The following AFG2A variants were observed in gnomAD, a reference collection of about 807,000 sequenced individuals.
AFG2A encodes the protein ATPase family gene 2 protein homolog A.
the AFG2A span, among the ~76,000 whole-genome samples, chr4:122,990,929 T>A: frequency 1.3e-5 from 2 of 152,184 alleles, no homozygotes; most frequent in African/African-American, 4.8e-5. Context: ...TCGAACAATG[T>A]GTTTTGTGGT....
At chr4:123,048,960 T>C in the AFG2A span, among the ~76,000 whole-genome samples, 470 of 152,280 alleles carry the variant, frequency 3.1e-3, 2 homozygotes, top group South Asian at 5.2e-3. Flanking sequence ...TGTAAAGGCT[T>C]TCCATTTTTC....
chr4:123,117,807 G>C, the AFG2A span, among the ~76,000 whole-genome samples: 70 of 151,782 alleles, frequency 4.6e-4, 1 homozygote. Context: ...GGTGGAGACA[G>C]ATGAGATCTG....
chr4:123,024,135 T>G, the AFG2A span, among the ~76,000 whole-genome samples: 1 of 149,090 alleles, frequency 6.7e-6, no homozygotes, highest in Admixed American at 6.8e-5. Context: ...TTACAACTAT[T>G]CAAAGAAGCA....
At chr4:123,311,724 G>A in the AFG2A span, among the ~76,000 whole-genome samples, 1 of 151,802 alleles carries the variant, frequency 6.6e-6, no homozygotes, top group Non-Finnish European at 1.5e-5. Context: ...AATGCCCAGG[G>A]GAACTGACCC....
the AFG2A span, among the ~76,000 whole-genome samples, chr4:123,194,822 A>G: frequency 2.6e-5 from 4 of 152,246 alleles, no homozygotes; most frequent in Non-Finnish European, 5.9e-5. Flanking sequence ...GACACATACT[A>G]GCAGGTGTAG....
At chr4:123,273,552 C>T in the AFG2A span, among the ~76,000 whole-genome samples, 1 of 152,088 alleles carries the variant, frequency 6.6e-6, no homozygotes, top group African/African-American at 2.4e-5. Context: ...GTTTCCTAGA[C>T]AAGTCAGTAG....
chr4:123,228,602 A>G, the AFG2A span, among the ~76,000 whole-genome samples: 1 of 152,024 alleles, frequency 6.6e-6, no homozygotes, highest in Non-Finnish European at 1.5e-5. Flanking sequence ...TAAACCAGAA[A>G]TTATGCTGAT....
chr4:123,017,359 C>CT, the AFG2A span, among the ~76,000 whole-genome samples: 655 of 74,108 alleles, frequency 8.8e-3, 3 homozygotes, highest in African/African-American at 0.026. Flanking sequence ...CTTTTGACTT[C>CT]TTTTTTTTTT....
chr4:123,098,771 G>A, the AFG2A span, among the ~76,000 whole-genome samples: 1 of 151,934 alleles, frequency 6.6e-6, no homozygotes, highest in Non-Finnish European at 1.5e-5. Flanking sequence ...ATTCTTCGAT[G>A]CATACTTAGG....
the AFG2A span, among the ~76,000 whole-genome samples, chr4:123,024,377 G>C: frequency 3.9e-5 from 6 of 152,068 alleles, no homozygotes; most frequent in Admixed American, 3.9e-4. Flanking sequence ...GTCACCTAAA[G>C]TACAGGCAGT....
the AFG2A span, chr4:122,934,421 A>G: frequency 6.2e-7 from 1 of 1,614,224 alleles, no homozygotes; most frequent in Non-Finnish European, 8.5e-7. Context: ...AGCCCTGGAG[A>G]TGGCAGTGGA....
At chr4:123,223,750 T>C in the AFG2A span, among the ~76,000 whole-genome samples, 1 of 152,164 alleles carries the variant, frequency 6.6e-6, no homozygotes, top group Non-Finnish European at 1.5e-5. Context: ...ACCCAAACCA[T>C]ATCATGGGTT....
At chr4:123,162,133 G>A in the AFG2A span, among the ~76,000 whole-genome samples, 34 of 152,302 alleles carry the variant, frequency 2.2e-4, no homozygotes, top group East Asian at 6.6e-3. Flanking sequence ...GAGGCAAGAA[G>A]AGACACTATA....
At chr4:123,248,131 A>G in the AFG2A span, among the ~76,000 whole-genome samples, 3 of 152,026 alleles carry the variant, frequency 2.0e-5, no homozygotes, top group African/African-American at 7.2e-5. Context: ...TCTTGTGGGT[A>G]GTTAAGACTT....
At chr4:123,187,419 T>C in the AFG2A span, among the ~76,000 whole-genome samples, 1 of 152,190 alleles carries the variant, frequency 6.6e-6, no homozygotes, top group African/African-American at 2.4e-5. Flanking sequence ...TATTAGTTGT[T>C]ATCGCTGAAT....
the AFG2A span, among the ~76,000 whole-genome samples, chr4:123,264,595 A>G: frequency 6.6e-6 from 1 of 152,172 alleles, no homozygotes; most frequent in Non-Finnish European, 1.5e-5. Flanking sequence ...CTTTCAGAGC[A>G]AAAATCAGCA....
chr4:122,939,316 A>G, the AFG2A span, among the ~76,000 whole-genome samples: 3 of 151,608 alleles, frequency 2.0e-5, no homozygotes, highest in East Asian at 5.9e-4. Context: ...TCCTGACCTC[A>G]GGTGATCCGC....
chr4:123,293,731 A>G, the AFG2A span, among the ~76,000 whole-genome samples: 1 of 152,152 alleles, frequency 6.6e-6, no homozygotes, highest in African/African-American at 2.4e-5. Context: ...CCAAATCGCA[A>G]TCCACTCCTG....
chr4:122,944,101 A>C, the AFG2A span, among the ~76,000 whole-genome samples: 5 of 152,042 alleles, frequency 3.3e-5, no homozygotes, highest in Non-Finnish European at 7.4e-5. Flanking sequence ...GGTGAATCTG[A>C]CAATTATGTG....
Sources: gnomAD v4.1 joint callset for allele counts (sites outside exome capture counted in the v4.1 genomes callset) on GRCh38, gnomAD v4.1.1 for gene constraint, MANE v1.5 for transcripts, NCBI Gene and HGNC (gene_info 2026-07-23, HGNC 2026-07-21) for gene names.